CCDC178: variants seen among roughly 807,000 people sequenced by gnomAD.
CCDC178 encodes the protein coiled-coil domain containing 178.
Under a neutral mutation model 117.4 loss-of-function variants are expected in CCDC178, and 126 were observed. That is an observed-to-expected ratio of 1.07 (90% CI 0.93 to 1.24). CCDC178 has a LOEUF of 1.24. Among genes scored for constraint, CCDC178 ranks in the 50% most tolerant of loss-of-function variants. The pLI is 0.00. For synonymous variants in CCDC178, 283 were observed against 313.4 expected (o/e 0.90, Z 1.02); for missense variants, 1,030 against 986.9 (o/e 1.04, Z -0.59).
intron 5 of CCDC178, among the ~76,000 whole-genome samples, chr18:33,383,637 TGAA>T (rs1303237827): frequency 6.6e-6 from 1 of 151,328 alleles, no homozygotes; most frequent in African/African-American, 2.4e-5. Flanking sequence ...GACTATTAGA[TGAA>T]AAACAACAAA....
chr18:33,349,879 C>CGTAT (rs1420143798), intron 7 of CCDC178, among the ~76,000 whole-genome samples: 1 of 151,756 alleles, frequency 6.6e-6, no homozygotes, highest in Non-Finnish European at 1.5e-5. Flanking sequence ...CACAATTATA[C>CGTAT]ATTCTGCTTT....
intron 20 of CCDC178, among the ~76,000 whole-genome samples, chr18:33,197,130 C>T (rs946514707): frequency 2.0e-5 from 3 of 151,790 alleles, no homozygotes; most frequent in Admixed American, 6.6e-5. Context: ...TGGGCTCAAG[C>T]GATTCTCCTG....
chr18:33,269,300 A>G (rs989823965), intron 12 of CCDC178, among the ~76,000 whole-genome samples: 8 of 151,890 alleles, frequency 5.3e-5, no homozygotes, highest in African/African-American at 1.9e-4. Flanking sequence ...AAAAAGGGAA[A>G]GCTGGTGGAA....
At position 33,172,296 on chromosome 18, in the gene CCDC178, T is replaced by C. The variant is rs151002528; in HGVS notation, c.2238+39600A>G. Among the ~76,000 whole-genome samples the C allele has an allele frequency of 1.4e-3, 206 of 152,322 alleles. 3 individuals carry two copies. The highest frequency in any genetic ancestry group is 0.011 in the Admixed American group (165 of 15,292). ...CTTGACTTCAGAGCTGTTTATATTTTATGTAAGTAGTTGACAAAAATCTCC... is the reference window on the plus strand; with the variant it reads ...CTTGACTTCAGAGCTGTTTATATTTCATGTAAGTAGTTGACAAAAATCTCC... On this transcript the variant is annotated intron_variant, in intron 20 of 22. Transcript: ENST00000383096.
intron 21 of CCDC178, among the ~76,000 whole-genome samples, chr18:33,022,129 G>A (rs918514970): frequency 7.9e-5 from 12 of 152,202 alleles, no homozygotes; most frequent in African/African-American, 2.9e-4. Flanking sequence ...TTCTCATAAA[G>A]GAGGATATAT....
intron 21 of CCDC178, among the ~76,000 whole-genome samples, chr18:33,006,985 C>G (rs1472450648): frequency 6.6e-6 from 1 of 151,942 alleles, no homozygotes; most frequent in African/African-American, 2.4e-5. Flanking sequence ...AGCAGAGGAC[C>G]CTGTTCAACT....
At chr18:33,397,662 T>C (rs962781653) in intron 3 of CCDC178, among the ~76,000 whole-genome samples, 104 of 152,268 alleles carry the variant, frequency 6.8e-4, no homozygotes, top group African/African-American at 2.2e-3. Flanking sequence ...ATAAACGCAA[T>C]TATTTACGCA....
At chr18:33,098,796 G>T (rs745517577) in intron 20 of CCDC178, among the ~76,000 whole-genome samples, 1 of 151,638 alleles carries the variant, frequency 6.6e-6, no homozygotes, top group East Asian at 1.9e-4. Flanking sequence ...TTTACTTTAC[G>T]GATTCAGCTC....
intron 12 of CCDC178, among the ~76,000 whole-genome samples, chr18:33,268,339 C>T (rs1039987938): frequency 6.6e-6 from 1 of 151,746 alleles, no homozygotes; most frequent in African/African-American, 2.4e-5. Flanking sequence ...TCAATATTTT[C>T]AGAAAATGAT....
intron 21 of CCDC178, among the ~76,000 whole-genome samples, chr18:33,084,678 G>A (rs1290756841): frequency 6.6e-6 from 1 of 151,588 alleles, no homozygotes; most frequent in Non-Finnish European, 1.5e-5. Flanking sequence ...TGGGCGGGGT[G>A]GTGTGCACCT....
At chr18:33,089,673 T>C (rs1277786953) in intron 21 of CCDC178, among the ~76,000 whole-genome samples, 3 of 152,352 alleles carry the variant, frequency 2.0e-5, no homozygotes, top group African/African-American at 7.2e-5. Context: ...CTTCAATATC[T>C]GCGTGCTTGC....
chr18:33,434,004 T>G (rs893908676), intron 2 of CCDC178, among the ~76,000 whole-genome samples: 2 of 152,116 alleles, frequency 1.3e-5, no homozygotes, highest in African/African-American at 4.8e-5. Flanking sequence ...CAAGCAATAT[T>G]TAATATTTTT....
intron 20 of CCDC178, among the ~76,000 whole-genome samples, chr18:33,175,156 G>A (rs530399628): frequency 2.6e-5 from 4 of 151,740 alleles, no homozygotes; most frequent in Non-Finnish European, 4.4e-5. Flanking sequence ...GATTACAGGC[G>A]TAAGCCACCG....
intron 22 of CCDC178, among the ~76,000 whole-genome samples, chr18:32,970,426 C>T (rs1194539955): frequency 6.6e-6 from 1 of 151,828 alleles, no homozygotes; most frequent in East Asian, 1.9e-4. Context: ...TTGAATAGTT[C>T]ACCGAAATCT....
chr18:33,285,204 G>A (rs1421869664), intron 12 of CCDC178, among the ~76,000 whole-genome samples: 1 of 151,994 alleles, frequency 6.6e-6, no homozygotes, highest in Non-Finnish European at 1.5e-5. Context: ...TCCGCGTCAT[G>A]CTATGGTAAT....
At chr18:32,971,966 G>C (rs574131890) in intron 22 of CCDC178, among the ~76,000 whole-genome samples, 37 of 151,922 alleles carry the variant, frequency 2.4e-4, no homozygotes, top group Non-Finnish European at 5.4e-4. Context: ...CCATTTTATA[G>C]GTTGCCTCTT....
chr18:33,074,630 G>A (rs1476915150), intron 21 of CCDC178, among the ~76,000 whole-genome samples: 1 of 152,168 alleles, frequency 6.6e-6, no homozygotes, highest in Non-Finnish European at 1.5e-5. Flanking sequence ...GTCCAGTGAG[G>A]TGGGAGGAAA....
chr18:33,356,467 T>TAAGTATACA, intron 6 of CCDC178, 121 bp from the exon 7 acceptor site: 1 of 1,041,468 alleles, frequency 9.6e-7, no homozygotes, highest in Non-Finnish European at 1.3e-6. Flanking sequence ...TATTTTTGTG[T>TAAGTATACA]ACTTATACTC....
intron 21 of CCDC178, among the ~76,000 whole-genome samples, chr18:33,016,774 A>G (rs2056000522): frequency 6.6e-6 from 1 of 152,058 alleles, no homozygotes; most frequent in Admixed American, 6.5e-5. Flanking sequence ...TATAAAAGAA[A>G]CAGCAAAGGA....
Sources: gnomAD v4.1 joint callset for allele counts (sites outside exome capture counted in the v4.1 genomes callset) on GRCh38, gnomAD v4.1.1 for gene constraint, MANE v1.5 for transcripts, NCBI Gene and HGNC (gene_info 2026-07-23, HGNC 2026-07-21) for gene names.